The following MICU3 variants were observed in gnomAD, a reference collection of about 807,000 sequenced individuals.
MICU3 encodes calcium uptake protein 3, mitochondrial.
A neutral mutation model predicts 66.5 loss-of-function variants in MICU3; 62 were observed. The ratio of observed to expected loss-of-function variants is 0.93; its 90% CI spans 0.76 to 1.15. The LOEUF (loss-of-function observed/expected upper bound fraction) is 1.15, where lower values mean the gene tolerates loss of function less well. MICU3 is among the 50% of genes most tolerant of loss of function. The pLI, the probability that MICU3 is intolerant of heterozygous loss-of-function variation, is 0.00. For synonymous variants in MICU3, 308 were observed against 240.7 expected (o/e 1.28, Z -2.59); for missense variants, 779 against 664.4 (o/e 1.17, Z -1.90).
intron 2 of MICU3, among the ~76,000 whole-genome samples, chr8:17,068,869 T>C (rs1460567133): frequency 6.6e-6 from 1 of 152,170 alleles, no homozygotes; most frequent in Non-Finnish European, 1.5e-5. Flanking sequence ...ATAATTAATA[T>C]TAACCAGTTT....
intron 2 of MICU3, 48 bp from the exon 3 acceptor site, chr8:17,069,640 T>C: frequency 8.5e-7 from 1 of 1,179,358 alleles, no homozygotes; most frequent in Non-Finnish European, 1.2e-6. Context: ...TGGATATATA[T>C]TCCATGAAGT....
intron 9 of MICU3, among the ~76,000 whole-genome samples, chr8:17,103,097 T>C (rs1019645803): frequency 4.6e-5 from 7 of 151,998 alleles, no homozygotes. Flanking sequence ...AAACAGATTT[T>C]AATGCATTAA....
At chr8:17,090,615 T>C in intron 8 of MICU3, 31 bp downstream of exon 8, 2 of 1,507,074 alleles carry the variant, frequency 1.3e-6, no homozygotes, top group Non-Finnish European at 1.8e-6. Flanking sequence ...GTTCTTTATG[T>C]ATATAGCCCT....
In MICU3 at chr8:17,041,271, TA is replaced by T. The variant is rs398067626; in HGVS notation, c.381+13625del. Reference sequence around the variant, plus strand: ...GCTGAAAAGTTGGGTCAAGACAGGTTAAAAAAAAAAAAAAGTCAGGGGGCCA... The same window carrying T: ...GCTGAAAAGTTGGGTCAAGACAGGTTAAAAAAAAAAAAAGTCAGGGGGCCA... On this transcript the variant is annotated intron_variant, in intron 1 of 14. Transcript: ENST00000318063. Among the ~76,000 whole-genome samples the T allele has an allele frequency of 4.4e-3, 593 of 135,030 alleles. 1 individual carries two copies. The highest frequency in any genetic ancestry group is 3.8e-3 in the Non-Finnish European group (235 of 61,976). The allele number at this position is 135,030 out of a possible 152,430, so 88.6% of individuals were successfully genotyped here. A position where few individuals can be genotyped will look rare whatever the true frequency, so the allele number is the denominator to read the frequency against.
chr8:17,027,360 G>T lies in MICU3; in HGVS notation c.81G>T (p.Pro27=), dbSNP rs968432025. Residue 27 remains proline, a synonymous_variant, in exon 1 of 15, where the codon CCG becomes CCT. Coordinates refer to ENST00000318063, the MANE Select transcript of MICU3 (RefSeq NM_181723.3). ...PLCAHQPLLG[P]WGRPAVTTLG... ...GCGCTCACCAGCCCCTCCTTGGGCCGTGGGGGCGGCCTGCGGTGACCACCC... is the reference window on the plus strand; with the variant it reads ...GCGCTCACCAGCCCCTCCTTGGGCCTTGGGGGCGGCCTGCGGTGACCACCC... The T allele has an allele frequency of 1.2e-5, 18 of 1,502,818 alleles. No individual in the cohort carries two copies. The highest frequency in any genetic ancestry group is 1.5e-5 in the Non-Finnish European group (17 of 1,135,370). The allele number at this position is 1,502,818 out of a possible 1,614,324, so 93.1% of individuals were successfully genotyped here. A position where few individuals can be genotyped will look rare whatever the true frequency, so the allele number is the denominator to read the frequency against.
At chr8:17,077,762 G>GTAGTATAAC in intron 3 of MICU3, 21 bp from the exon 4 acceptor site, 1 of 1,553,542 alleles carries the variant, frequency 6.4e-7, no homozygotes, top group Non-Finnish European at 8.9e-7. Context: ...CAATTCATCA[G>GTAGTATAAC]TAGTATAACT....
At chr8:17,087,815 A>C (rs944272596) in intron 7 of MICU3, among the ~76,000 whole-genome samples, 1 of 152,024 alleles carries the variant, frequency 6.6e-6, no homozygotes, top group Non-Finnish European at 1.5e-5. Context: ...GGCCAACTCC[A>C]AAACCTCACT....
intron 3 of MICU3, among the ~76,000 whole-genome samples, chr8:17,074,503 G>A (rs1179746124): frequency 1.3e-5 from 2 of 151,670 alleles, no homozygotes; most frequent in Admixed American, 1.3e-4. Flanking sequence ...AAAACAGTAT[G>A]TAGAGAATGA....
At chr8:17,042,299 A>G (rs898228756) in intron 1 of MICU3, among the ~76,000 whole-genome samples, 6 of 152,250 alleles carry the variant, frequency 3.9e-5, no homozygotes, top group Non-Finnish European at 8.8e-5. Context: ...ACTGGATAAT[A>G]TTAGATCTCA....
intron 1 of MICU3, among the ~76,000 whole-genome samples, chr8:17,035,931 C>G (rs538800824): frequency 3.6e-4 from 55 of 152,282 alleles, no homozygotes; most frequent in African/African-American, 1.3e-3. Flanking sequence ...AGCAGCCCCA[C>G]CCACCACAGA....
chr8:17,116,679 T>A, intron 13 of MICU3, 79 bp downstream of exon 13: 1 of 1,045,176 alleles, frequency 9.6e-7, no homozygotes, highest in Non-Finnish European at 1.4e-6. Context: ...TGAGAAATAA[T>A]TTATCTTAAT....
intron 1 of MICU3, among the ~76,000 whole-genome samples, chr8:17,056,798 G>A (rs982267474): frequency 2.0e-5 from 3 of 152,222 alleles, no homozygotes; most frequent in African/African-American, 7.2e-5. Flanking sequence ...TTTCTGGAAG[G>A]TGGCCTTCGT....
chr8:17,047,601 G>C (rs1421389711), intron 1 of MICU3, among the ~76,000 whole-genome samples: 2 of 152,154 alleles, frequency 1.3e-5, no homozygotes, highest in Non-Finnish European at 2.9e-5. Context: ...TCCTACAAAG[G>C]GACTGCAGTT....
At chr8:17,080,302 A>G (rs949334702) in intron 4 of MICU3, among the ~76,000 whole-genome samples, 5 of 152,186 alleles carry the variant, frequency 3.3e-5, no homozygotes, top group Admixed American at 2.6e-4. Flanking sequence ...ATGTGATCCT[A>G]CAGACAAACG....
intron 8 of MICU3, among the ~76,000 whole-genome samples, chr8:17,091,768 G>A (rs890513930): frequency 2.6e-5 from 4 of 151,956 alleles, no homozygotes; most frequent in Non-Finnish European, 5.9e-5. Context: ...CATTTTTAAA[G>A]GATTACTCTG....
chr8:17,118,340 G>GTA (rs745959765), intron 13 of MICU3, among the ~76,000 whole-genome samples: 14 of 150,822 alleles, frequency 9.3e-5, no homozygotes, highest in South Asian at 6.3e-4. Flanking sequence ...TGATATTTTG[G>GTA]TATATATATA....
chr8:17,066,870 T>G (rs1037177207), intron 2 of MICU3, among the ~76,000 whole-genome samples: 8 of 152,066 alleles, frequency 5.3e-5, no homozygotes, highest in African/African-American at 1.9e-4. Flanking sequence ...TTGAAAAATT[T>G]TACTTCATTA....
chr8:17,035,882 G>A (rs72607361), intron 1 of MICU3, among the ~76,000 whole-genome samples: 21,832 of 152,134 alleles, frequency 0.14, 2,037 homozygotes, highest in East Asian at 0.34. Context: ...CACCAAGACA[G>A]TGGGAAGAAT....
chr8:17,134,290 A>T, the MICU3 span: 1 of 152,154 alleles, frequency 6.6e-6, no homozygotes, highest in Admixed American at 6.6e-5. Flanking sequence ...TCTTATTTCA[A>T]TCCTAAAGCC....
Sources: gnomAD v4.1 joint callset for allele counts (sites outside exome capture counted in the v4.1 genomes callset) on GRCh38, gnomAD v4.1.1 for gene constraint, MANE v1.5 for transcripts, NCBI Gene and HGNC (gene_info 2026-07-23, HGNC 2026-07-21) for gene names.